C7orf33: variants seen among roughly 807,000 people sequenced by gnomAD.
C7orf33 encodes uncharacterized protein C7orf33.
A neutral mutation model predicts 13.4 loss-of-function variants in C7orf33; 15 were observed. The ratio of observed to expected loss-of-function variants is 1.12; its 90% confidence interval spans 0.75 to 1.72. The LOEUF (loss-of-function observed/expected upper bound fraction) is 1.72. C7orf33 is among the 40% of genes most tolerant of loss of function. C7orf33 has a pLI of 0.00. For synonymous variants in C7orf33, 73 were observed against 83.2 expected (o/e 0.88, Z 0.67); for missense variants, 187 against 220.3 (o/e 0.85, Z 0.96).
At chr7:148,597,158 C>T (rs749895340) in intron 1 of C7orf33, among the ~76,000 whole-genome samples, 59 of 151,588 alleles carry the variant, frequency 3.9e-4, no homozygotes, top group Non-Finnish European at 6.5e-4. Flanking sequence ...CCTAAGTTTT[C>T]AACTCATTTG....
At position 148,593,221 on chromosome 7, in the gene C7orf33, C is replaced by T. The variant is rs142661806; in HGVS notation, c.204+2092C>T. Reference sequence around the variant, plus strand: ...TGTCTATGGATGGCACTATGAGTTACGTATTATTTTTCCAAAGCTCAGAAT... The same window carrying T: ...TGTCTATGGATGGCACTATGAGTTATGTATTATTTTTCCAAAGCTCAGAAT... On this transcript the variant is annotated intron_variant, in intron 1 of 2. Transcript: ENST00000307003. Among the ~76,000 whole-genome samples, 24 of 152,152 alleles carry T rather than the reference C, an allele frequency of 1.6e-4. No individual in the cohort carries two copies. The East Asian group carries it at 1.7e-3, about 11-fold the overall frequency.
At chr7:148,600,824 A>T in intron 1 of C7orf33, among the ~76,000 whole-genome samples, 1 of 105,244 alleles carries the variant, frequency 9.5e-6, no homozygotes, top group East Asian at 2.7e-4. Context: ...TTTTTTTGAG[A>T]CGGAGTCTCG....
chr7:148,591,229 T>C, intron 1 of C7orf33, 100 bp downstream of exon 1: 2 of 1,018,178 alleles, frequency 2.0e-6, no homozygotes, highest in South Asian at 1.3e-5. Flanking sequence ...GACTCTCTAC[T>C]ATGTGTTATG....
intron 1 of C7orf33, among the ~76,000 whole-genome samples, chr7:148,602,624 T>C: frequency 6.6e-6 from 1 of 151,992 alleles, no homozygotes; most frequent in Non-Finnish European, 1.5e-5. Context: ...AAGTCAAGGA[T>C]TCCTGCTATC....
chr7:148,610,576 T>G (rs556134943), intron 1 of C7orf33, among the ~76,000 whole-genome samples: 1 of 152,242 alleles, frequency 6.6e-6, no homozygotes, highest in South Asian at 2.1e-4. Flanking sequence ...CATATAATAT[T>G]TTATGTGTGT....
At chr7:148,604,828 T>G (rs1796455562) in intron 1 of C7orf33, among the ~76,000 whole-genome samples, 1 of 151,936 alleles carries the variant, frequency 6.6e-6, no homozygotes, top group African/African-American at 2.4e-5. Context: ...TAAAAATATT[T>G]CCAAAAAAAG....
intron 1 of C7orf33, among the ~76,000 whole-genome samples, chr7:148,593,348 C>T (rs1283476237): frequency 3.3e-5 from 5 of 152,144 alleles, no homozygotes; most frequent in African/African-American, 4.8e-5. Context: ...CTGCAACATC[C>T]GCCTCCTGGA....
At chr7:148,607,468 G>A (rs1392184779) in intron 1 of C7orf33, among the ~76,000 whole-genome samples, 1 of 152,122 alleles carries the variant, frequency 6.6e-6, no homozygotes, top group Non-Finnish European at 1.5e-5. Flanking sequence ...ACACATGTCT[G>A]GAAGCAATGG....
At chr7:148,597,794 C>T (rs933016593) in intron 1 of C7orf33, among the ~76,000 whole-genome samples, 9 of 151,836 alleles carry the variant, frequency 5.9e-5, no homozygotes, top group African/African-American at 7.3e-5. Context: ...CTCGCACTGT[C>T]GCCCAGGCTG....
intron 1 of C7orf33, among the ~76,000 whole-genome samples, chr7:148,613,436 G>T (rs753081316): frequency 2.0e-5 from 3 of 152,158 alleles, no homozygotes; most frequent in African/African-American, 4.8e-5. Flanking sequence ...AATGATGAAT[G>T]GATAAATAAT....
intron 1 of C7orf33, among the ~76,000 whole-genome samples, chr7:148,609,591 C>T (rs10952763): frequency 0.42 from 63,472 of 152,032 alleles, 15,019 homozygotes; most frequent in East Asian, 0.57. Context: ...TGTAAAGTGG[C>T]TGCCAATAAC....
intron 1 of C7orf33, among the ~76,000 whole-genome samples, chr7:148,605,340 C>T (rs1246450566): frequency 6.6e-6 from 1 of 152,204 alleles, no homozygotes; most frequent in Non-Finnish European, 1.5e-5. Context: ...GGTGTCTCAG[C>T]TCCAACTCCT....
intron 1 of C7orf33, among the ~76,000 whole-genome samples, chr7:148,609,791 G>A (rs1796514503): frequency 1.3e-5 from 2 of 152,218 alleles, no homozygotes; most frequent in Admixed American, 1.3e-4. Context: ...TGGCCGCTTA[G>A]TGGAGGGTGG....
At chr7:148,614,611 T>A (rs950032652) in intron 2 of C7orf33, among the ~76,000 whole-genome samples, 2 of 152,198 alleles carry the variant, frequency 1.3e-5, no homozygotes, top group African/African-American at 2.4e-5. Context: ...GGGGATCCTG[T>A]ATGGGAATTC....
chr7:148,607,601 G>T (rs1260051651), intron 1 of C7orf33, among the ~76,000 whole-genome samples: 2 of 152,008 alleles, frequency 1.3e-5, no homozygotes, highest in East Asian at 3.9e-4. Context: ...TTGATTTTAG[G>T]CAATAAATGC....
intron 1 of C7orf33, among the ~76,000 whole-genome samples, chr7:148,594,171 CTTTTTT>C (rs940143798): frequency 1.5e-5 from 2 of 129,300 alleles, no homozygotes; most frequent in African/African-American, 5.9e-5. Flanking sequence ...AACCTCTTTT[CTTTTTT>C]TTTTTTTTTT....
intron 1 of C7orf33, among the ~76,000 whole-genome samples, chr7:148,601,180 A>G (rs1053331877): frequency 2.0e-4 from 31 of 151,874 alleles, no homozygotes; most frequent in Non-Finnish European, 7.4e-5. Flanking sequence ...TGAGTGAAGA[A>G]TTTTTCTCTA....
Position 148,590,817 on chromosome 7 carries a change from C to G in C7orf33, c.-109C>G, listed in dbSNP as rs1796257306. 9.9e-7 allele frequency: 1 copy of G among 1,007,574 alleles called. No homozygotes were observed. Among genetic ancestry groups the G allele is most frequent in the East Asian group, 2.5e-5 (1 of 39,970 alleles). The allele number at this position is 1,007,574 out of a possible 1,614,324, so 62.4% of individuals were successfully genotyped here. A position where few individuals can be genotyped will look rare whatever the true frequency, so the allele number is the denominator to read the frequency against. ...CAGGAGCGAGGCGCCCAGCCTGTGT[C>G]TGAATCCTCCTACTGACCCTGGGGA... On this transcript the variant is annotated 5_prime_UTR_variant, in exon 1 of 3. Coordinates refer to ENST00000307003, the MANE Select transcript of C7orf33 (RefSeq NM_145304.4).
rs1225329021 is a variant in C7orf33 at position 148,598,777 on chromosome 7, G to T, written c.204+7648G>T. Among the ~76,000 whole-genome samples, 531 of 95,774 alleles carry T rather than the reference G, an allele frequency of 5.5e-3. 1 individual carries two copies. The highest frequency in any genetic ancestry group is 6.9e-3 in the Non-Finnish European group (345 of 50,238). The allele number at this position is 95,774 out of a possible 152,430, so 62.8% of individuals were successfully genotyped here. On this transcript the variant is annotated intron_variant, in intron 1 of 2. Coordinates refer to ENST00000307003, the MANE Select transcript of C7orf33 (RefSeq NM_145304.4). The stretch of plus-strand genomic sequence containing the variant: ...ATATATATATATAGAGAGAGAGAGA[G>T]AGAGAGAGAGAGAGAGAGAGAGAGA...
Sources: allele counts gnomAD v4.1 joint callset (sites outside exome capture counted in the v4.1 genomes callset), GRCh38; gene constraint gnomAD v4.1.1; transcripts MANE v1.5; gene names NCBI Gene and HGNC (gene_info 2026-07-23, HGNC 2026-07-21).